UBE2H: variants seen among roughly 807,000 people sequenced by gnomAD.
UBE2H encodes the protein ubiquitin-conjugating enzyme E2 H.
In UBE2H, 3 loss-of-function variants were observed where a neutral mutation model predicts 29.0. The ratio of observed to expected loss-of-function variants is 0.10; its 90% CI spans 0.05 to 0.27. UBE2H has a LOEUF of 0.27. UBE2H is among the 10% of genes least tolerant of loss of function. The pLI is 1.00. For missense variants in UBE2H, 68 were observed against 228.2 expected (o/e 0.30, Z 4.52); for synonymous variants, 69 against 82.9 (o/e 0.83, Z 0.91).
In UBE2H at chr7:129,932,147, G is replaced by A. The variant is rs180830788; in HGVS notation, c.53+20356C>T. 9.1e-4 allele frequency among the ~76,000 whole-genome samples: 129 copies of A among 142,192 alleles called. 1 individual carries two copies. Among genetic ancestry groups the A allele is most frequent in the Admixed American group, 8.4e-3 (118 of 14,034 alleles). 93.3% of individuals were successfully genotyped at this position (142,192 alleles called of 152,430 possible). A position where few individuals can be genotyped will look rare whatever the true frequency, so the allele number is the denominator to read the frequency against. ...CACTTTGCTTTTTTTTTTGGAGATG[G>A]AGTCTCGCTCTTGTTGCCCAGGCTG... On this transcript the variant is annotated intron_variant, in intron 1 of 6. Transcript: ENST00000355621.
chr7:129,899,548 C>G (rs1806667573), intron 1 of UBE2H, among the ~76,000 whole-genome samples: 1 of 152,190 alleles, frequency 6.6e-6, no homozygotes, highest in African/African-American at 2.4e-5. Context: ...CAGGGATTCG[C>G]TCTACTGTTC....
At chr7:129,951,849 A>G (rs2116545260) in intron 1 of UBE2H, among the ~76,000 whole-genome samples, 1 of 152,130 alleles carries the variant, frequency 6.6e-6, no homozygotes, top group East Asian at 1.9e-4. Context: ...ATCACATACA[A>G]CTATGGGTGG....
At chr7:129,931,118 T>G (rs755275776) in intron 1 of UBE2H, among the ~76,000 whole-genome samples, 9 of 151,246 alleles carry the variant, frequency 6.0e-5, no homozygotes, top group Non-Finnish European at 1.0e-4. Flanking sequence ...CTTGGGAGGC[T>G]GAGGCAGGAG....
intron 3 of UBE2H, among the ~76,000 whole-genome samples, chr7:129,877,072 C>T (rs988980902): frequency 2.0e-5 from 3 of 152,148 alleles, no homozygotes; most frequent in South Asian, 2.1e-4. Flanking sequence ...TTTTTCTTTA[C>T]TTTGGCTTAC....
At chr7:129,930,464 T>C (rs1404689568) in intron 1 of UBE2H, among the ~76,000 whole-genome samples, 1 of 149,624 alleles carries the variant, frequency 6.7e-6, no homozygotes, top group Admixed American at 6.7e-5. Context: ...TCATGCGGTC[T>C]ACATTCTTAA....
chr7:129,910,965 G>A (rs1485568152), intron 1 of UBE2H, among the ~76,000 whole-genome samples: 1 of 152,136 alleles, frequency 6.6e-6, no homozygotes, highest in African/African-American at 2.4e-5. Context: ...TAGATGCAGG[G>A]AGCCCTGAAG....
At chr7:129,924,866 T>C (rs1442257492) in intron 1 of UBE2H, among the ~76,000 whole-genome samples, 2 of 151,716 alleles carry the variant, frequency 1.3e-5, no homozygotes, top group African/African-American at 4.8e-5. Context: ...ACACTCTGCC[T>C]CTCCTCTACC....
chr7:129,836,225 C>A (rs866970885), intron 6 of UBE2H, among the ~76,000 whole-genome samples: 2 of 152,174 alleles, frequency 1.3e-5, no homozygotes, highest in African/African-American at 2.4e-5. Context: ...AATGGGTTGA[C>A]TATTTTGCGT....
intron 1 of UBE2H, among the ~76,000 whole-genome samples, chr7:129,905,498 T>C (rs532232279): frequency 1.2e-3 from 190 of 152,316 alleles, no homozygotes; most frequent in African/African-American, 4.2e-3. Flanking sequence ...TTCAGACTTA[T>C]GAGCTTGGTT....
intron 1 of UBE2H, among the ~76,000 whole-genome samples, chr7:129,888,201 C>A (rs1398823534): frequency 2.0e-5 from 3 of 152,030 alleles, no homozygotes; most frequent in Non-Finnish European, 4.4e-5. Flanking sequence ...GAGGGGGAAG[C>A]CTTTTATTCA....
chr7:129,891,208 G>A (rs929329382), intron 1 of UBE2H, among the ~76,000 whole-genome samples: 14 of 150,802 alleles, frequency 9.3e-5, no homozygotes, highest in East Asian at 7.8e-4. Context: ...TTTTTGAGAC[G>A]GAGTTTCACT....
chr7:129,905,529 G>T (rs566863416), intron 1 of UBE2H, among the ~76,000 whole-genome samples: 66 of 152,296 alleles, frequency 4.3e-4, no homozygotes, highest in African/African-American at 1.5e-3. Context: ...CATGGAAGTA[G>T]ATCTGCTCTT....
At position 129,921,694 on chromosome 7, in the gene UBE2H, C is replaced by CACAA. The variant is rs1325226224; in HGVS notation, c.53+30808_53+30809insTTGT. Among the ~76,000 whole-genome samples, 45 of 68,388 alleles carry CACAA rather than the reference C, an allele frequency of 6.6e-4. 1 individual carries two copies. Among genetic ancestry groups the CACAA allele is most frequent in the Middle Eastern group, 8.1e-3 (1 of 124 alleles). The allele number at this position is 68,388 out of a possible 152,430, so 44.9% of individuals were successfully genotyped here. On this transcript the variant is annotated intron_variant, in intron 1 of 6. Transcript: ENST00000355621. The stretch of plus-strand genomic sequence containing the variant: ...GCCTGGGCAACAAGAGACTCTGTCA[C>CACAA]AAAAAAAAAAAAAAAAAAAAAGCTG...
intron 6 of UBE2H, among the ~76,000 whole-genome samples, chr7:129,835,747 C>T (rs1460192143): frequency 6.6e-6 from 1 of 152,186 alleles, no homozygotes; most frequent in Non-Finnish European, 1.5e-5. Context: ...AAACTTGTTC[C>T]TAAAAACTCT....
At chr7:129,924,666 G>A (rs917794466) in intron 1 of UBE2H, among the ~76,000 whole-genome samples, 1 of 147,112 alleles carries the variant, frequency 6.8e-6, no homozygotes, top group African/African-American at 2.5e-5. Flanking sequence ...AGAGTTGCAT[G>A]TATAATGTCT....
chr7:129,883,064 G>A (rs747747691), intron 1 of UBE2H, among the ~76,000 whole-genome samples: 4 of 152,128 alleles, frequency 2.6e-5, no homozygotes, highest in Admixed American at 6.5e-5. Flanking sequence ...TAAAACTGAA[G>A]TATAAAAAAG....
At chr7:129,944,249 A>G (rs894361194) in intron 1 of UBE2H, among the ~76,000 whole-genome samples, 1 of 152,020 alleles carries the variant, frequency 6.6e-6, no homozygotes. Flanking sequence ...CCAGCTACTC[A>G]GGAGGCCGAG....
intron 1 of UBE2H, among the ~76,000 whole-genome samples, chr7:129,943,541 A>G (rs1807690792): frequency 6.6e-6 from 1 of 152,024 alleles, no homozygotes; most frequent in South Asian, 2.1e-4. Flanking sequence ...TTGAAATCGC[A>G]CCACTGCACT....
chr7:129,928,108 G>A (rs968697465), intron 1 of UBE2H, among the ~76,000 whole-genome samples: 2 of 151,752 alleles, frequency 1.3e-5, no homozygotes, highest in Admixed American at 1.3e-4. Context: ...TGAGGCAGGC[G>A]GATCATGAGG....
Sources: allele counts gnomAD v4.1 joint callset (sites outside exome capture counted in the v4.1 genomes callset), GRCh38; gene constraint gnomAD v4.1.1; transcripts MANE v1.5; gene names NCBI Gene and HGNC (gene_info 2026-07-23, HGNC 2026-07-21).